The following BMPR1A variants were observed in gnomAD, a reference collection of about 807,000 sequenced individuals.
The protein encoded by BMPR1A is bone morphogenetic protein receptor type-1A.
Under a neutral mutation model 66.0 loss-of-function variants are expected in BMPR1A, and 7 were observed. The observed-to-expected ratio is 0.11, with a 90% confidence interval of 0.06 to 0.20. The LOEUF (loss-of-function observed/expected upper bound fraction) is 0.20, where lower values mean the gene tolerates loss of function less well. Among genes scored for constraint, BMPR1A ranks in the 10% least tolerant of loss-of-function variants. The probability of loss-of-function intolerance (pLI) is 1.00; values close to 1 mark genes in which losing one functional copy is unlikely to be tolerated. For missense variants in BMPR1A, 408 were observed against 669.1 expected, an observed-to-expected ratio of 0.61 and a Z score of 4.31; for synonymous variants, 200 against 229.7, an observed-to-expected ratio of 0.87 and a Z score of 1.17.
chr10:86,767,796 CCAGTT>C (rs1841192351), intron 1 of BMPR1A, among the ~76,000 whole-genome samples: 2 of 152,288 alleles, frequency 1.3e-5, no homozygotes, highest in Admixed American at 6.5e-5. Flanking sequence ...GTCATAACTT[CCAGTT>C]GTCATAAATC....
Position 86,862,297 on chromosome 10 carries a change from G to A in BMPR1A, c.-152-13570G>A, listed in dbSNP as rs73350093. Among the ~76,000 whole-genome samples the A allele has an allele frequency of 6.6e-3, 1,011 of 152,298 alleles. 9 individuals are homozygous for A. The highest frequency in any genetic ancestry group is 0.023 in the African/African-American group (956 of 41,568). On this transcript the variant is annotated intron_variant, in intron 2 of 12. Coordinates refer to ENST00000372037, the MANE Select transcript of BMPR1A (RefSeq NM_004329.3). The stretch of plus-strand genomic sequence containing the variant: ...TTGAGTAAGTGCTTGGAAGGGGCAA[G>A]GCAGCAGTCCCGGGGAAGACCATTA...
chr10:86,851,469 G>A (rs1238677812), intron 2 of BMPR1A, among the ~76,000 whole-genome samples: 3 of 152,086 alleles, frequency 2.0e-5, no homozygotes, highest in Non-Finnish European at 4.4e-5. Context: ...TTTATTTACC[G>A]TTGGATAGTC....
At chr10:86,851,578 G>A (rs1842568446) in intron 2 of BMPR1A, among the ~76,000 whole-genome samples, 1 of 152,222 alleles carries the variant, frequency 6.6e-6, no homozygotes, top group South Asian at 2.1e-4. Flanking sequence ...TGTACTGGAA[G>A]TTGAACGGGA....
At chr10:86,806,913 G>A (rs1169556182) in intron 1 of BMPR1A, among the ~76,000 whole-genome samples, 1 of 151,740 alleles carries the variant, frequency 6.6e-6, no homozygotes, top group Non-Finnish European at 1.5e-5. Context: ...TCTTCATTCC[G>A]GCTCTCGTGT....
chr10:86,782,911 G>T (rs1841458980), intron 1 of BMPR1A, among the ~76,000 whole-genome samples: 1 of 152,070 alleles, frequency 6.6e-6, no homozygotes, highest in Non-Finnish European at 1.5e-5. Context: ...TGCCTTTGTT[G>T]CCTGTGCTTT....
intron 1 of BMPR1A, among the ~76,000 whole-genome samples, chr10:86,797,247 T>TTTTTTTTTTTTTTTTTTTTG (rs1372738374): frequency 2.4e-5 from 3 of 124,928 alleles, no homozygotes; most frequent in Non-Finnish European, 1.7e-5. Flanking sequence ...TTTTTTTTTT[T>TTTTTTTTTTTTTTTTTTTTG]TGAGACGGAG....
At chr10:86,856,046 C>T (rs1036233793) in intron 2 of BMPR1A, 25 of 602,418 alleles carry the variant, frequency 4.1e-5, no homozygotes, top group Non-Finnish European at 7.1e-5. Context: ...ATTTGTGCTT[C>T]AAAAAACTCA....
intron 3 of BMPR1A, among the ~76,000 whole-genome samples, chr10:86,885,138 C>T (rs1174545061): frequency 6.6e-6 from 1 of 152,178 alleles, no homozygotes; most frequent in Non-Finnish European, 1.5e-5. Context: ...CAGTAATTTG[C>T]AAACTATAGC....
At chr10:86,814,069 C>T (rs1842004117) in intron 1 of BMPR1A, among the ~76,000 whole-genome samples, 1 of 151,952 alleles carries the variant, frequency 6.6e-6, no homozygotes. Flanking sequence ...CCTAGATGCT[C>T]AAGTTTATTT....
At chr10:86,769,198 C>G (rs367638959) in intron 1 of BMPR1A, among the ~76,000 whole-genome samples, 1 of 152,074 alleles carries the variant, frequency 6.6e-6, no homozygotes, top group South Asian at 2.1e-4. Flanking sequence ...CTTTGTACAT[C>G]AAGAATTGGA....
intron 2 of BMPR1A, among the ~76,000 whole-genome samples, chr10:86,841,790 T>A (rs1842427556): frequency 6.6e-6 from 1 of 151,760 alleles, no homozygotes; most frequent in Admixed American, 6.6e-5. Flanking sequence ...CCCCCAACAT[T>A]TAGGGAGGGG....
chr10:86,759,687 A>G (rs1841000874), intron 1 of BMPR1A, among the ~76,000 whole-genome samples: 1 of 152,222 alleles, frequency 6.6e-6, no homozygotes, highest in Non-Finnish European at 1.5e-5. Context: ...GTCAAATCAT[A>G]AAACGAGTTG....
downstream of BMPR1A, chr10:86,931,397 A>G (rs753101867): frequency 6.0e-5 from 9 of 150,086 alleles, no homozygotes; most frequent in Non-Finnish European, 8.8e-5. Flanking sequence ...TAGAATCCAG[A>G]TGATGACATC....
At chr10:86,796,637 C>T (rs138569951) in intron 1 of BMPR1A, among the ~76,000 whole-genome samples, 1 of 151,728 alleles carries the variant, frequency 6.6e-6, no homozygotes, top group African/African-American at 2.4e-5. Context: ...AGTACAGTGG[C>T]ATGATCTCAG....
intron 1 of BMPR1A, among the ~76,000 whole-genome samples, chr10:86,809,278 C>T (rs1841933083): frequency 6.6e-6 from 1 of 151,082 alleles, no homozygotes; most frequent in East Asian, 2.0e-4. Flanking sequence ...TTTTCATCAT[C>T]CCAAACAGGC....
intron 7 of BMPR1A, among the ~76,000 whole-genome samples, chr10:86,904,487 C>T (rs1236782274): frequency 6.6e-6 from 1 of 152,156 alleles, no homozygotes; most frequent in East Asian, 1.9e-4. Flanking sequence ...ACTTTGAATT[C>T]TATAGCCAGA....
At chr10:86,865,627 A>G (rs774255428) in intron 2 of BMPR1A, among the ~76,000 whole-genome samples, 1 of 152,192 alleles carries the variant, frequency 6.6e-6, no homozygotes, top group Admixed American at 6.5e-5. Context: ...GTGTTTCTCT[A>G]CAAATTGAGT....
At chr10:86,915,173 G>A (rs1843547010) in intron 8 of BMPR1A, among the ~76,000 whole-genome samples, 1 of 152,180 alleles carries the variant, frequency 6.6e-6, no homozygotes, top group African/African-American at 2.4e-5. Flanking sequence ...ATTAAGGCAT[G>A]CACCACCATG....
At chr10:86,759,303 A>G (rs1283994000) in intron 1 of BMPR1A, among the ~76,000 whole-genome samples, 2 of 152,088 alleles carry the variant, frequency 1.3e-5, no homozygotes, top group African/African-American at 4.8e-5. Context: ...CACTTTTCAG[A>G]TCACTTTTCT....
Sources: allele counts gnomAD v4.1 joint callset (sites outside exome capture counted in the v4.1 genomes callset), GRCh38; gene constraint gnomAD v4.1.1; transcripts MANE v1.5; gene names NCBI Gene and HGNC (gene_info 2026-07-23, HGNC 2026-07-21).